The following SNUPN variants were observed in gnomAD, a reference collection of about 807,000 sequenced individuals.
The protein encoded by SNUPN is snurportin-1.
SNUPN carries 31 observed loss-of-function variants against 39.2 expected under a neutral mutation model. The ratio of observed to expected loss-of-function variants is 0.79; its 90% CI spans 0.59 to 1.07. The LOEUF (loss-of-function observed/expected upper bound fraction) is 1.07. Among genes scored for constraint, SNUPN ranks in the 50% least tolerant of loss-of-function variants. The probability of loss-of-function intolerance (pLI) is 0.00; values close to 1 mark genes in which losing one functional copy is unlikely to be tolerated. For synonymous variants in SNUPN, 132 were observed against 159.0 expected (o/e 0.83, Z 1.28); for missense variants, 382 against 434.2 (o/e 0.88, Z 1.07).
At chr15:75,619,127 T>C (rs755411393) in intron 2 of SNUPN, among the ~76,000 whole-genome samples, 1 of 143,908 alleles carries the variant, frequency 6.9e-6, no homozygotes, top group Non-Finnish European at 1.5e-5. Flanking sequence ...AGCTCAGGAG[T>C]TCAAGACCAG....
At chr15:75,621,975 G>A (rs976473813) in intron 1 of SNUPN, among the ~76,000 whole-genome samples, 11 of 152,216 alleles carry the variant, frequency 7.2e-5, no homozygotes, top group African/African-American at 2.7e-4. Context: ...GGCGGAGGTT[G>A]CAGTGAGCCG....
At chr15:75,624,163 G>A (rs1427093584) in intron 1 of SNUPN, among the ~76,000 whole-genome samples, 2 of 148,950 alleles carry the variant, frequency 1.3e-5, no homozygotes, top group Non-Finnish European at 3.0e-5. Flanking sequence ...TCCTGACCTC[G>A]TGATCCGCCC....
chr15:75,610,103 A>G, intron 3 of SNUPN, 109 bp from the exon 4 acceptor site: 1 of 859,858 alleles, frequency 1.2e-6, no homozygotes, highest in Non-Finnish European at 1.9e-6. Context: ...TGAGTGAAAG[A>G]ATGAGGGCAG....
intron 2 of SNUPN, among the ~76,000 whole-genome samples, chr15:75,618,752 A>G (rs1005083523): frequency 6.6e-6 from 1 of 152,110 alleles, no homozygotes; most frequent in African/African-American, 2.4e-5. Context: ...TATCTCGAGA[A>G]TAAAAGAGCT....
chr15:75,626,218 T>G (rs553274602), upstream of SNUPN: 6 of 152,358 alleles, frequency 3.9e-5, no homozygotes, highest in South Asian at 1.2e-3. Flanking sequence ...CCACTTGCCC[T>G]TAACAAAAGC....
chr15:75,601,262 T>C (rs1398489002), intron 7 of SNUPN, 44 bp from the exon 8 acceptor site: 4 of 1,322,664 alleles, frequency 3.0e-6, no homozygotes, highest in African/African-American at 1.4e-5. Context: ...TTATAAATGA[T>C]ACTGGCCCAA....
chr15:75,598,552 T>C lies in SNUPN; in HGVS notation c.889A>G (p.Thr297Ala). Residue 297 changes from threonine to alanine, a missense_variant, in exon 9 of 9, where the codon ACC (threonine) becomes GCC (alanine). Physicochemically the swap from Thr to Ala is moderately conservative, Grantham distance 58 (BLOSUM62 0). Transcript: ENST00000308588. ...GVAVPAGPLT[T>A]KPDYAGHQLQ... ...TGGTGCCCAGCATAGTCTGGCTTGGTGGTCAGCGGGCCAGCCGGCACAGCT... is the reference window on the plus strand; with the variant it reads ...TGGTGCCCAGCATAGTCTGGCTTGGCGGTCAGCGGGCCAGCCGGCACAGCT... 2 of 1,614,146 alleles carry C rather than the reference T, an allele frequency of 1.2e-6. No individual in the cohort carries two copies. The highest frequency in any genetic ancestry group is 1.7e-5 in the Admixed American group (1 of 60,004).
In SNUPN at chr15:75,598,600, T is replaced by G. The variant is rs1274896983; in HGVS notation, c.841A>C (p.Met281Leu). 1 of 1,614,080 alleles carries G rather than the reference T, an allele frequency of 6.2e-7. No individual in the cohort carries two copies. Among genetic ancestry groups the G allele is most frequent in the East Asian group, 2.2e-5 (1 of 44,880 alleles). ...TPLVGWLRPY[M>L]VSDVLGVAVP... ...GCTACACCAAGGACATCTGACACCATGTAGGGGCGCAGCCAGCCCACCAAG... is the reference window on the plus strand; with the variant it reads ...GCTACACCAAGGACATCTGACACCAGGTAGGGGCGCAGCCAGCCCACCAAG... The change falls in exon 9 of 9, where the codon ATG (methionine) becomes CTG (leucine). Residue 281 changes from methionine (M) to leucine (L), a missense_variant. By Grantham distance (15) the Met-to-Leu change is conservative (BLOSUM62 2). Coordinates refer to ENST00000308588, the MANE Select transcript of SNUPN (RefSeq NM_005701.4).
chr15:75,609,720 T>A, intron 4 of SNUPN, 69 bp from the exon 5 acceptor site: 1 of 1,264,414 alleles, frequency 7.9e-7, no homozygotes, highest in East Asian at 2.3e-5. Flanking sequence ...CTCCTCATTC[T>A]GCAGGAATGT....
At chr15:75,616,120 T>G (rs1892926222) in intron 3 of SNUPN, among the ~76,000 whole-genome samples, 1 of 151,176 alleles carries the variant, frequency 6.6e-6, no homozygotes, top group South Asian at 2.1e-4. Flanking sequence ...GCTGTGGGAG[T>G]GCATCCAATA....
intron 5 of SNUPN, among the ~76,000 whole-genome samples, chr15:75,608,376 G>A (rs182799016): frequency 1.5e-3 from 224 of 152,198 alleles, no homozygotes; most frequent in African/African-American, 4.3e-3. Flanking sequence ...GAGTGAGACC[G>A]TGTCAAAAAA....
At chr15:75,608,356 C>G (rs911436166) in intron 5 of SNUPN, among the ~76,000 whole-genome samples, 2 of 152,084 alleles carry the variant, frequency 1.3e-5, no homozygotes, top group African/African-American at 4.8e-5. Flanking sequence ...GAACCCGAGC[C>G]TGGGCCACAG....
chr15:75,621,856 T>C (rs1893080601), intron 1 of SNUPN, among the ~76,000 whole-genome samples: 1 of 146,716 alleles, frequency 6.8e-6, no homozygotes, highest in Non-Finnish European at 1.5e-5. Flanking sequence ...ACCAACATGG[T>C]GAAACCCCGT....
At chr15:75,609,782 A>G (rs1457491733) in intron 4 of SNUPN, 108 bp downstream of exon 4, 3 of 1,146,536 alleles carry the variant, frequency 2.6e-6, no homozygotes, top group African/African-American at 3.1e-5. Flanking sequence ...AAGTGTTTCA[A>G]GCTCCACTCC....
At chr15:75,604,070 G>C (rs1352960155) in intron 7 of SNUPN, among the ~76,000 whole-genome samples, 1 of 151,294 alleles carries the variant, frequency 6.6e-6, no homozygotes, top group Non-Finnish European at 1.5e-5. Context: ...CTCAATGCAT[G>C]TTCCTCCAGG....
chr15:75,607,073 A>C (rs1197533283), intron 6 of SNUPN, 143 bp downstream of exon 6: 2 of 681,038 alleles, frequency 2.9e-6, no homozygotes, highest in African/African-American at 1.8e-5. Flanking sequence ...TCAAAGATGC[A>C]GGGAGCATTA....
intron 6 of SNUPN, among the ~76,000 whole-genome samples, chr15:75,606,594 T>A (rs1595983259): frequency 6.6e-6 from 1 of 152,196 alleles, no homozygotes; most frequent in East Asian, 1.9e-4. Context: ...CCTCACCTGA[T>A]GACTGCTGCT....
At chr15:75,619,095 G>A (rs1893007508) in intron 2 of SNUPN, among the ~76,000 whole-genome samples, 1 of 150,836 alleles carries the variant, frequency 6.6e-6, no homozygotes, top group Non-Finnish European at 1.5e-5. Flanking sequence ...CCTCTGGGAG[G>A]GTGAATTGGC....
In SNUPN at chr15:75,616,246, C is replaced by T. The variant is rs185597359; in HGVS notation, c.303+1162G>A. Among the ~76,000 whole-genome samples the T allele has an allele frequency of 3.2e-3, 483 of 150,712 alleles. 6 individuals carry two copies. The highest frequency in any genetic ancestry group is 0.011 in the African/African-American group (436 of 41,040). On this transcript the variant is annotated intron_variant, in intron 3 of 8. Coordinates refer to ENST00000308588, the MANE Select transcript of SNUPN (RefSeq NM_005701.4). ...CCGAGGGGGGTGGATCACCTGAGGT[C>T]GGGAGTTCGAGACCAACCTGTCCAC...
Sources: allele counts gnomAD v4.1 joint callset (sites outside exome capture counted in the v4.1 genomes callset), GRCh38; gene constraint gnomAD v4.1.1; transcripts MANE v1.5; gene names NCBI Gene and HGNC (gene_info 2026-07-23, HGNC 2026-07-21).